SIN3A: variants seen among roughly 807,000 people sequenced by gnomAD.
SIN3A encodes the protein SIN3 transcription regulator family member A, also known as paired amphipathic helix protein Sin3a.
SIN3A carries 14 observed loss-of-function variants against 146.1 expected under a neutral mutation model. That is an observed-to-expected ratio of 0.10 (90% confidence interval 0.06 to 0.15). SIN3A has a LOEUF of 0.15. SIN3A is among the 10% of genes least tolerant of loss of function. The pLI, the probability that SIN3A is intolerant of heterozygous loss-of-function variation, is 1.00. For missense variants in SIN3A, 1,028 were observed against 1,576.0 expected (o/e 0.65, Z 5.89); for synonymous variants, 572 against 572.0 (o/e 1.00, Z 0.00).
chr15:75,410,853 T>C (rs1348612618), intron 6 of SIN3A, among the ~76,000 whole-genome samples: 1 of 140,184 alleles, frequency 7.1e-6, no homozygotes, highest in East Asian at 2.2e-4. Context: ...CTGGCCAACA[T>C]GTTGAAACCC....
chr15:75,442,144 A>C (rs893516062), intron 1 of SIN3A, among the ~76,000 whole-genome samples: 5 of 149,274 alleles, frequency 3.3e-5, no homozygotes, highest in East Asian at 3.9e-4. Context: ...AAAAAAAAAA[A>C]AAAAAAAAAC....
intron 11 of SIN3A, among the ~76,000 whole-genome samples, chr15:75,400,507 G>A (rs2073391502): frequency 6.6e-6 from 1 of 152,180 alleles, no homozygotes; most frequent in Non-Finnish European, 1.5e-5. Context: ...CCAGGAGGTT[G>A]AGGCACTATG....
chr15:75,379,371 CA>C (rs1595887499), intron 19 of SIN3A, among the ~76,000 whole-genome samples: 2 of 152,124 alleles, frequency 1.3e-5, no homozygotes, highest in Non-Finnish European at 2.9e-5. Context: ...AGCTGTCAGA[CA>C]AATCATTAGA....
At chr15:75,425,506 A>G (rs545764397) in intron 2 of SIN3A, among the ~76,000 whole-genome samples, 1 of 152,308 alleles carries the variant, frequency 6.6e-6, no homozygotes, top group African/African-American at 2.4e-5. Flanking sequence ...TGCTACGAGC[A>G]CTGTATCTAA....
At chr15:75,432,424 C>T (rs193112508) in intron 1 of SIN3A, among the ~76,000 whole-genome samples, 10 of 152,244 alleles carry the variant, frequency 6.6e-5, no homozygotes, top group Non-Finnish European at 1.5e-4. Flanking sequence ...CAGTGGCTCA[C>T]ACCTGTAATC....
intron 1 of SIN3A, among the ~76,000 whole-genome samples, chr15:75,439,768 C>T (rs1052950871): frequency 2.0e-5 from 3 of 152,112 alleles, no homozygotes; most frequent in African/African-American, 7.2e-5. Flanking sequence ...GGTCTCCTTT[C>T]GTCCCTCTCT....
chr15:75,398,889 G>A (rs1441195312), intron 12 of SIN3A, among the ~76,000 whole-genome samples: 1 of 152,018 alleles, frequency 6.6e-6, no homozygotes, highest in African/African-American at 2.4e-5. Context: ...GGCAAGGGGA[G>A]GGAGAGCATT....
chr15:75,390,692 G>A (rs1390963825), intron 15 of SIN3A, among the ~76,000 whole-genome samples: 1 of 152,168 alleles, frequency 6.6e-6, no homozygotes, highest in Non-Finnish European at 1.5e-5. Flanking sequence ...AAAATTCACT[G>A]AGCTGCACAA....
chr15:75,454,921 C>T (rs916614268), upstream of SIN3A: 1 of 152,258 alleles, frequency 6.6e-6, no homozygotes, highest in African/African-American at 2.4e-5. Flanking sequence ...CTTGCTGGGT[C>T]GCGGCCTGAC....
intron 9 of SIN3A, 87 bp from the exon 10 acceptor site, chr15:75,402,057 G>A (rs1466104725): frequency 4.9e-6 from 4 of 816,850 alleles, no homozygotes; most frequent in African/African-American, 1.7e-5. Flanking sequence ...CCCAGGAGGA[G>A]GCGCAGTTGT....
intron 9 of SIN3A, among the ~76,000 whole-genome samples, chr15:75,403,976 A>C (rs2073461558): frequency 6.6e-6 from 1 of 152,224 alleles, no homozygotes; most frequent in South Asian, 2.1e-4. Flanking sequence ...TCTATTTACA[A>C]TATTGAGCAT....
At chr15:75,426,288 A>G (rs2073924539) in intron 2 of SIN3A, among the ~76,000 whole-genome samples, 1 of 152,224 alleles carries the variant, frequency 6.6e-6, no homozygotes, top group Non-Finnish European at 1.5e-5. Context: ...AAGGGATTAG[A>G]CAGCCTCAAG....
chr15:75,395,903 T>TCAAAA lies in SIN3A; in HGVS notation c.2093+350_2093+354dup, dbSNP rs754658053. 2.1e-4 allele frequency among the ~76,000 whole-genome samples: 32 copies of TCAAAA among 152,206 alleles called. 1 individual carries two copies. The highest frequency in any genetic ancestry group is 5.3e-4 in the African/African-American group (22 of 41,532). ...CTGGGTGAAAGAGTGAGATCTTGTC[T>TCAAAA]CAAAACAAAACAAAACAAAAACAAA... On this transcript the variant is annotated intron_variant, in intron 13 of 20. Transcript: ENST00000394947.
chr15:75,376,859 T>TAAAAAAAAAAAAAAAA (rs200318256), intron 19 of SIN3A, among the ~76,000 whole-genome samples: 5 of 115,808 alleles, frequency 4.3e-5, no homozygotes, highest in African/African-American at 1.6e-4. Context: ...GACACTGTCT[T>TAAAAAAAAAAAAAAAA]AAAAAAAAAA....
At chr15:75,389,392 A>T (rs551774634) in intron 16 of SIN3A, among the ~76,000 whole-genome samples, 1 of 152,176 alleles carries the variant, frequency 6.6e-6, no homozygotes, top group South Asian at 2.1e-4. Context: ...AGAGATAGAC[A>T]AGTTGTGCAG....
chr15:75,425,428 A>G (rs938706411), intron 2 of SIN3A, among the ~76,000 whole-genome samples: 5 of 152,190 alleles, frequency 3.3e-5, no homozygotes, highest in Non-Finnish European at 7.4e-5. Context: ...TTGGGCTCCC[A>G]AAGTGCTGGG....
intron 12 of SIN3A, among the ~76,000 whole-genome samples, chr15:75,399,737 C>T (rs1022679474): frequency 1.9e-4 from 29 of 152,156 alleles, no homozygotes; most frequent in Admixed American, 1.4e-3. Flanking sequence ...TTTTCTTCAC[C>T]ATGCAAAACA....
chr15:75,449,016 A>C (rs931863748), intron 1 of SIN3A, among the ~76,000 whole-genome samples: 10 of 152,218 alleles, frequency 6.6e-5, no homozygotes, highest in Non-Finnish European at 1.2e-4. Context: ...CATTTATGAA[A>C]ATGTTCCTAA....
intron 20 of SIN3A, among the ~76,000 whole-genome samples, chr15:75,373,342 C>T (rs999664099): frequency 2.0e-5 from 3 of 152,128 alleles, no homozygotes; most frequent in Non-Finnish European, 4.4e-5. Context: ...CATGCCACTG[C>T]GCTTCCCTCA....
Sources: gnomAD v4.1 joint callset for allele counts (sites outside exome capture counted in the v4.1 genomes callset) on GRCh38, gnomAD v4.1.1 for gene constraint, MANE v1.5 for transcripts, NCBI Gene and HGNC (gene_info 2026-07-23, HGNC 2026-07-21) for gene names.